The following MIEF2 variants were observed in gnomAD, a reference collection of about 807,000 sequenced individuals.
MIEF2 encodes the protein mitochondrial dynamics protein MID49.
MIEF2 carries 1 observed loss-of-function variant against 7.4 expected under a neutral mutation model. The observed-to-expected ratio is 0.14, with a 90% CI of 0.05 to 0.64. The LOEUF (loss-of-function observed/expected upper bound fraction) is 0.64. Among genes scored for constraint, MIEF2 ranks in the 30% least tolerant of loss-of-function variants. The pLI, the probability that MIEF2 is intolerant of heterozygous loss-of-function variation, is 0.85. For synonymous variants in MIEF2, 275 were observed against 290.5 expected (o/e 0.95, Z 0.54); for missense variants, 569 against 623.9 (o/e 0.91, Z 0.94).
chr17:18,265,754 A>T lies in MIEF2; in HGVS notation c.*990A>T, dbSNP rs912175844. On this transcript the variant is annotated 3_prime_UTR_variant, in exon 4 of 4. Transcript: ENST00000323019. ...AGCTTCGAAGATGTGAACAAGAATAAAAGGAAAAAATTCTAATGTATATAT... is the reference window on the plus strand; with the variant it reads ...AGCTTCGAAGATGTGAACAAGAATATAAGGAAAAAATTCTAATGTATATAT... The T allele has an allele frequency of 1.3e-5, 2 of 152,478 alleles. No individual in the cohort carries two copies. The highest frequency in any genetic ancestry group is 2.9e-5 in the Non-Finnish European group (2 of 68,030). 9.4% of individuals were successfully genotyped at this position (152,478 alleles called of 1,614,324 possible). A position where few individuals can be genotyped will look rare whatever the true frequency, so the allele number is the denominator to read the frequency against.
At position 18,264,344 on chromosome 17, in the gene MIEF2, C is replaced by T. The variant is rs760746743; in HGVS notation, c.945C>T (p.Arg315=). The change falls in exon 4 of 4, where the codon CGC becomes CGT. Residue 315 remains arginine (R), a synonymous_variant. Transcript: ENST00000323019. ...TCCCTGGGGTCGATGCTGACGACCG[C>T]CTCCTCTTGGCCTGGCCCCTGGAGG... The part of the protein sequence containing the change: ...VAVPGVDADD[R]LLLAWPLEGL... 6.2e-7 allele frequency: 1 copy of T among 1,605,998 alleles called. No individual in the cohort carries two copies. Among genetic ancestry groups the T allele is most frequent in the Admixed American group, 1.7e-5 (1 of 60,022 alleles).
At chr17:18,261,081 C>T (rs1978388170) in intron 1 of MIEF2, 11 of 1,549,924 alleles carry the variant, frequency 7.1e-6, no homozygotes, top group South Asian at 1.2e-5. Context: ...CGTGCCCTTT[C>T]CTGCTTCTCG....
In MIEF2 at chr17:18,262,742, CG is replaced by C; in HGVS notation, c.27del (p.Lys10SerfsTer38). The C allele has an allele frequency of 6.2e-7, 1 of 1,607,992 alleles. No homozygotes were observed. MAEFSQK[R>X]GKRRSDEGLG... ...GACCATGGCAGAGTTCTCCCAGAAA[CG>C]GGGGAAGCGGCGTAGCGACGAAGGG... On this transcript the variant is annotated frameshift_variant, in exon 2 of 4. Coordinates refer to ENST00000323019, the MANE Select transcript of MIEF2 (RefSeq NM_139162.4). LOFTEE classifies it high-confidence loss of function.
chr17:18,264,463 G>GGCTGCT lies in MIEF2; in HGVS notation c.1075_1080dup (p.Leu359_Leu360dup), dbSNP rs751965961. ...GACCATGACGCTGGGACTCGCCGGC[G>GGCTGCT]GCTGCTGCTGCTGCTGTGTGCTGTC... On this transcript the variant is annotated inframe_insertion, in exon 4 of 4. Coordinates refer to ENST00000323019, the MANE Select transcript of MIEF2 (RefSeq NM_139162.4). 1 of 1,603,266 alleles carries GGCTGCT rather than the reference G, an allele frequency of 6.2e-7. No individual in the cohort carries two copies. The highest frequency in any genetic ancestry group is 8.5e-7 in the Non-Finnish European group (1 of 1,179,610).
Position 18,264,373 on chromosome 17 carries a change from T to A in MIEF2, c.974T>A (p.Leu325Gln). The change falls in exon 4 of 4, where the codon CTG (leucine) becomes CAG (glutamine). Residue 325 changes from leucine (L) to glutamine (Q), a missense_variant. Transcript: ENST00000323019. ...CTCTTGGCCTGGCCCCTGGAGGGGCTGGCGGGGAACCTCTGGCTGCAGGAC... is the reference window on the plus strand; with the variant it reads ...CTCTTGGCCTGGCCCCTGGAGGGGCAGGCGGGGAACCTCTGGCTGCAGGAC... ...RLLLAWPLEG[L>Q]AGNLWLQDLY... 6.2e-7 allele frequency: 1 copy of A among 1,603,004 alleles called. No homozygotes were observed.
At position 18,262,710 on chromosome 17, in the gene MIEF2, A is replaced by G; in HGVS notation, c.-7-4A>G. The G allele has an allele frequency of 6.2e-7, 1 of 1,600,500 alleles. No individual in the cohort carries two copies. The highest frequency in any genetic ancestry group is 8.5e-7 in the Non-Finnish European group (1 of 1,172,768). On this transcript the variant is annotated splice_region_variant and splice_polypyrimidine_tract_variant and intron_variant, in intron 1 of 3. Transcript: ENST00000323019. ...CTGCCCCTTCACCCCTGGCTCTCTTACAGGCAGACCATGGCAGAGTTCTCC... is the reference window on the plus strand; with the variant it reads ...CTGCCCCTTCACCCCTGGCTCTCTTGCAGGCAGACCATGGCAGAGTTCTCC...
At position 18,263,184 on chromosome 17, in the gene MIEF2, C is replaced by CCGGCCT; in HGVS notation, c.248_253dup (p.Arg83_Pro84dup). The CCGGCCT allele has an allele frequency of 6.2e-7, 1 of 1,613,650 alleles. No individual in the cohort carries two copies. Among genetic ancestry groups the CCGGCCT allele is most frequent in the African/African-American group, 1.3e-5 (1 of 75,072 alleles). ...TCAAGGCCACACCACACCTGCAGCC[C>CCGGCCT]CGGCCTCCACCTGCTGCCCTTAGCC... On this transcript the variant is annotated inframe_insertion, in exon 3 of 4. Coordinates refer to ENST00000323019, the MANE Select transcript of MIEF2 (RefSeq NM_139162.4).
Position 18,264,442 on chromosome 17 carries a change from A to G in MIEF2, c.1043A>G (p.His348Arg), listed in dbSNP as rs1303948364. ...EAARLRALDDHDAGTRRRLLL... is the reference protein window; with the variant it reads ...EAARLRALDDRDAGTRRRLLL... ...GCTAGGCTGCGAGCCCTGGACGACC[A>G]TGACGCTGGGACTCGCCGGCGGCTG... The change falls in exon 4 of 4, where the codon CAT becomes CGT. Residue 348 changes from histidine to arginine, a missense_variant. Transcript: ENST00000323019. 1.9e-6 allele frequency: 3 copies of G among 1,601,804 alleles called. No homozygotes were observed. The highest frequency in any genetic ancestry group is 1.1e-5 in the South Asian group (1 of 91,080).
Position 18,264,225 on chromosome 17 carries a change from G to C in MIEF2, c.826G>C (p.Gly276Arg), listed in dbSNP as rs752546048. The change falls in exon 4 of 4, where the codon GGG (glycine) becomes CGG (arginine). Residue 276 changes from glycine to arginine, a missense_variant. Physicochemically the swap from Gly to Arg is moderately radical, Grantham distance 125. Coordinates refer to ENST00000323019, the MANE Select transcript of MIEF2 (RefSeq NM_139162.4). Reference sequence around the variant, plus strand: ...CTGGCCGGCCATTGGCAGCCTTCTCGGGTGCCTGATCCGGCCCAGCATGGC... The same window carrying C: ...CTGGCCGGCCATTGGCAGCCTTCTCCGGTGCCTGATCCGGCCCAGCATGGC... ...VNWPAIGSLLGCLIRPSMASE... is the reference protein window; with the variant it reads ...VNWPAIGSLLRCLIRPSMASE... 8 of 1,602,768 alleles carry C rather than the reference G, an allele frequency of 5.0e-6. No homozygotes were observed.
intron 1 of MIEF2, chr17:18,261,278 C>A: frequency 7.8e-7 from 1 of 1,277,958 alleles, no homozygotes; most frequent in Middle Eastern, 2.1e-4. Context: ...GGCCCTGGGG[C>A]CGTGGCGGGT....
rs768129183 is a variant in MIEF2 at position 18,262,715 on chromosome 17, C to A, written c.-6C>A. 2.5e-6 allele frequency: 4 copies of A among 1,602,520 alleles called. No homozygotes were observed. Among genetic ancestry groups the A allele is most frequent in the Middle Eastern group, 1.7e-4 (1 of 6,016 alleles). On this transcript the variant is annotated splice_region_variant and 5_prime_UTR_variant, in exon 2 of 4. Coordinates refer to ENST00000323019, the MANE Select transcript of MIEF2 (RefSeq NM_139162.4). ...CCTTCACCCCTGGCTCTCTTACAGGCAGACCATGGCAGAGTTCTCCCAGAA... is the reference window on the plus strand; with the variant it reads ...CCTTCACCCCTGGCTCTCTTACAGGAAGACCATGGCAGAGTTCTCCCAGAA...
chr17:18,264,692 G>A lies in MIEF2; in HGVS notation c.1293G>A (p.Leu431=). 2 of 1,612,860 alleles carry A rather than the reference G, an allele frequency of 1.2e-6. No homozygotes were observed. Among genetic ancestry groups the A allele is most frequent in the Non-Finnish European group, 1.7e-6 (2 of 1,180,028 alleles). The change falls in exon 4 of 4, where the codon TTG becomes TTA. Residue 431 remains leucine, a synonymous_variant. Coordinates refer to ENST00000323019, the MANE Select transcript of MIEF2 (RefSeq NM_139162.4). Reference sequence around the variant, plus strand: ...CCAGCGTGAACCTCTTCAGCAGCTTGCGTGAGGAGGAGATTGACGACATTG... The same window carrying A: ...CCAGCGTGAACCTCTTCAGCAGCTTACGTGAGGAGGAGATTGACGACATTG... ...FNPSVNLFSS[L]REEEIDDIGY...
In MIEF2 at chr17:18,263,215, G is replaced by C. The variant is rs530380604; in HGVS notation, c.277G>C (p.Val93Leu). The C allele has an allele frequency of 3.0e-5, 49 of 1,613,860 alleles. No individual in the cohort carries two copies. The South Asian group carries it at 5.3e-4, about 17-fold the overall frequency. The change falls in exon 3 of 4, where the codon GTG becomes CTG. Residue 93 changes from valine (V) to leucine (L), a missense_variant. Val to Leu is a conservative substitution (Grantham distance 32). Coordinates refer to ENST00000323019, the MANE Select transcript of MIEF2 (RefSeq NM_139162.4). Reference protein sequence around the residue: ...RPPPAALSQPVLPLAPSSSAP... With the variant: ...RPPPAALSQPLLPLAPSSSAP... ...TCCACCTGCTGCCCTTAGCCAGCCAGTGTTGCCCTTGGCCCCCTCGTCGTC... is the reference window on the plus strand; with the variant it reads ...TCCACCTGCTGCCCTTAGCCAGCCACTGTTGCCCTTGGCCCCCTCGTCGTC...
At chr17:18,263,050 T>C (rs2142903961) in intron 2 of MIEF2, 36 bp from the exon 3 acceptor site, 1 of 1,602,634 alleles carries the variant, frequency 6.2e-7, no homozygotes, top group Non-Finnish European at 8.5e-7. Flanking sequence ...ACTGCCCAGA[T>C]TTCATATACA....
In MIEF2 at chr17:18,264,357, T is replaced by G. The variant is rs776487474; in HGVS notation, c.958T>G (p.Trp320Gly). ...VDADDRLLLA[W>G]PLEGLAGNLW... is the part of the protein sequence containing the mutation. ...TGCTGACGACCGCCTCCTCTTGGCC[T>G]GGCCCCTGGAGGGGCTGGCGGGGAA... Residue 320 changes from tryptophan (W) to glycine (G), a missense_variant, in exon 4 of 4, where the codon TGG becomes GGG. Coordinates refer to ENST00000323019, the MANE Select transcript of MIEF2 (RefSeq NM_139162.4). The G allele has an allele frequency of 2.5e-6, 4 of 1,605,158 alleles. No homozygotes were observed. The highest frequency in any genetic ancestry group is 4.5e-5 in the East Asian group (2 of 44,876).
At position 18,263,700 on chromosome 17, in the gene MIEF2, C is replaced by T; in HGVS notation, c.311-10C>T. 6.4e-7 allele frequency: 1 copy of T among 1,556,438 alleles called. No homozygotes were observed. Among genetic ancestry groups the T allele is most frequent in the Non-Finnish European group, 8.7e-7 (1 of 1,150,086 alleles). On this transcript the variant is annotated splice_polypyrimidine_tract_variant and intron_variant, in intron 3 of 3. Transcript: ENST00000323019. ...TGTTCCGACATGTTCCCCGCCCCTT[C>T]ACTCTGCAGAAGGGCCTGCAGAAAC...
chr17:18,264,383 C>T lies in MIEF2; in HGVS notation c.984C>T (p.Asn328=). ...GGCCCCTGGAGGGGCTGGCGGGGAA[C>T]CTCTGGCTGCAGGACCTGTATCCAG... is the stretch of plus-strand genomic sequence containing the variant. ...LAWPLEGLAG[N]LWLQDLYPVE... is the part of the protein sequence containing the mutation. The change falls in exon 4 of 4, where the codon AAC becomes AAT. Residue 328 remains asparagine (N), a synonymous_variant. Transcript: ENST00000323019. 1 of 1,601,958 alleles carries T rather than the reference C, an allele frequency of 6.2e-7. No homozygotes were observed. Among genetic ancestry groups the T allele is most frequent in the Non-Finnish European group, 8.5e-7 (1 of 1,179,772 alleles).
intron 1 of MIEF2, 129 bp downstream of exon 1, chr17:18,260,866 A>C: frequency 1.9e-6 from 1 of 525,934 alleles, no homozygotes; most frequent in Non-Finnish European, 3.4e-6. Flanking sequence ...CCTTTGGGGG[A>C]CCAAGGGCAG....
intron 3 of MIEF2, 42 bp from the exon 4 acceptor site, chr17:18,263,668 C>T (rs943473720): frequency 1.3e-6 from 2 of 1,500,030 alleles, no homozygotes; most frequent in African/African-American, 2.9e-5. Context: ...CTTAACTAAT[C>T]ACAGGCTGTT....
Sources: gnomAD v4.1 joint callset for allele counts on GRCh38, gnomAD v4.1.1 for gene constraint, MANE v1.5 for transcripts, NCBI Gene and HGNC (gene_info 2026-07-23, HGNC 2026-07-21) for gene names.